The following RP1 variants were observed in gnomAD, a reference collection of about 807,000 sequenced individuals.
The protein encoded by RP1 is RP1 axonemal microtubule associated.
In RP1, 16 loss-of-function variants were observed where a neutral mutation model predicts 14.8. The observed-to-expected ratio is 1.08, with a 90% CI of 0.73 to 1.65. The LOEUF (loss-of-function observed/expected upper bound fraction) is 1.65. RP1 is among the 40% of genes most tolerant of loss of function. The pLI, the probability that RP1 is intolerant of heterozygous loss-of-function variation, is 0.00. For missense variants in RP1, 2,631 were observed against 2,535.0 expected, an observed-to-expected ratio of 1.04 and a Z score of -0.81; for synonymous variants, 876 against 883.6, an observed-to-expected ratio of 0.99 and a Z score of 0.15.
intron 12 of RP1, chr8:54,696,597 T>C (rs933101488): frequency 3.0e-5 from 22 of 739,046 alleles, no homozygotes; most frequent in African/African-American, 3.5e-5. Context: ...CGTGACAAAG[T>C]ACGTCTCAGA....
At chr8:54,824,687 G>A (rs1811340611) in intron 24 of RP1, among the ~76,000 whole-genome samples, 1 of 152,034 alleles carries the variant, frequency 6.6e-6, no homozygotes, top group Admixed American at 6.6e-5. Context: ...ATAGAATTCA[G>A]CATCCTACAA....
intron 1 of RP1, among the ~76,000 whole-genome samples, chr8:54,586,651 G>A (rs1005096329): frequency 5.3e-5 from 8 of 152,206 alleles, no homozygotes; most frequent in Non-Finnish European, 8.8e-5. Context: ...CCACCCAGTC[G>A]AGCTTCCTGG....
intron 17 of RP1, among the ~76,000 whole-genome samples, chr8:54,731,102 T>G (rs1354451966): frequency 6.6e-6 from 1 of 152,182 alleles, no homozygotes; most frequent in Non-Finnish European, 1.5e-5. Flanking sequence ...AATTCATGCT[T>G]TATGCTGACC....
chr8:54,829,882 G>C (rs1811478219), intron 24 of RP1, among the ~76,000 whole-genome samples: 1 of 151,916 alleles, frequency 6.6e-6, no homozygotes, highest in African/African-American at 2.4e-5. Flanking sequence ...CTGGGGAGGG[G>C]GAAAGGACAA....
downstream of RP1, among the ~76,000 whole-genome samples, chr8:54,632,072 C>T (rs1413053990): frequency 6.6e-6 from 1 of 151,918 alleles, no homozygotes; most frequent in Non-Finnish European, 1.5e-5. Context: ...GAACTTCCGA[C>T]CTCAGGTGAT....
At chr8:54,589,755 T>C (rs192271758) in intron 1 of RP1, among the ~76,000 whole-genome samples, 41 of 152,292 alleles carry the variant, frequency 2.7e-4, no homozygotes, top group Admixed American at 2.4e-3. Flanking sequence ...CAAATATGCA[T>C]CTTTTCTCAA....
intron 24 of RP1, among the ~76,000 whole-genome samples, chr8:54,803,082 G>A (rs1280940317): frequency 2.0e-5 from 3 of 151,682 alleles, no homozygotes; most frequent in African/African-American, 7.3e-5. Context: ...TACCCTTTTT[G>A]TGAGTATTTT....
intron 21 of RP1, among the ~76,000 whole-genome samples, chr8:54,756,326 G>A (rs1643146092): frequency 6.6e-6 from 1 of 152,188 alleles, no homozygotes; most frequent in Admixed American, 6.5e-5. Context: ...TGTATATGGA[G>A]AGAAGGTACT....
chr8:54,835,782 GGT>G (rs1326726407), intron 24 of RP1, among the ~76,000 whole-genome samples: 1 of 152,074 alleles, frequency 6.6e-6, no homozygotes, highest in Admixed American at 6.5e-5. Flanking sequence ...CAAAACCTGA[GGT>G]TCCATATTTC....
chr8:54,611,840 C>T (rs1805601357), upstream of RP1, among the ~76,000 whole-genome samples: 1 of 151,964 alleles, frequency 6.6e-6, no homozygotes, highest in African/African-American at 2.4e-5. Context: ...CCTCTCCCCT[C>T]CCCATGGTTT....
intron 4 of RP1, among the ~76,000 whole-genome samples, chr8:54,650,119 A>T (rs1806625511): frequency 6.6e-6 from 1 of 152,184 alleles, no homozygotes; most frequent in African/African-American, 2.4e-5. Context: ...ATAATTTTCA[A>T]TTCTGTAATA....
At chr8:54,854,342 T>G (rs924030472) in intron 26 of RP1, among the ~76,000 whole-genome samples, 1 of 152,098 alleles carries the variant, frequency 6.6e-6, no homozygotes, top group Admixed American at 6.5e-5. Context: ...CAGAAACATA[T>G]CCACACATCC....
chr8:54,644,927 T>G lies in RP1; in HGVS notation c.788-4058T>G, dbSNP rs553752688. Among the ~76,000 whole-genome samples, 9 of 152,272 alleles carry G rather than the reference T, an allele frequency of 5.9e-5. No individual in the cohort carries two copies. The East Asian group carries it at 1.7e-3, about 29-fold the overall frequency. On this transcript the variant is annotated intron_variant, in intron 3 of 22. Coordinates refer to the RP1 transcript ENST00000636932. The stretch of plus-strand genomic sequence containing the variant: ...TAGATGTATCATGCTAATCTCTGCC[T>G]CCATCTTCACATGACATTTTCCCTG...
exon 17 of RP1, chr8:54,726,357 A>G (rs1445807430): frequency 1.3e-6 from 2 of 1,519,294 alleles, no homozygotes. Context: ...GGCAGAGAAA[A>G]CCCAATGGGA....
At chr8:54,738,943 G>A (rs1435466505) in exon 19 of RP1, 1 of 1,466,434 alleles carries the variant, frequency 6.8e-7, no homozygotes, top group African/African-American at 1.4e-5. Context: ...TTTCATTCAG[G>A]TTGAAATAAG....
intron 1 of RP1, among the ~76,000 whole-genome samples, chr8:54,589,394 G>A (rs917736173): frequency 1.3e-5 from 2 of 151,962 alleles, no homozygotes; most frequent in Non-Finnish European, 2.9e-5. Context: ...CAGACTCTCA[G>A]ACTCTTGGAA....
At chr8:54,815,066 C>T (rs1318442018) in intron 24 of RP1, among the ~76,000 whole-genome samples, 1 of 152,192 alleles carries the variant, frequency 6.6e-6, no homozygotes, top group Non-Finnish European at 1.5e-5. Context: ...TTTTATAAGT[C>T]AAGTGGTTTA....
chr8:54,680,853 GAGGCTGAGGC>G (rs975284930), intron 12 of RP1, among the ~76,000 whole-genome samples: 2 of 151,940 alleles, frequency 1.3e-5, no homozygotes, highest in African/African-American at 4.8e-5. Flanking sequence ...AGCTACTGTA[GAGGCTGAGGC>G]AGGAGAATGG....
At chr8:54,831,190 G>T (rs1238585632) in intron 24 of RP1, among the ~76,000 whole-genome samples, 1 of 151,956 alleles carries the variant, frequency 6.6e-6, no homozygotes, top group Non-Finnish European at 1.5e-5. Context: ...TTGTCTGAAT[G>T]CCTGTTTTCA....
Sources: allele counts gnomAD v4.1 joint callset (sites outside exome capture counted in the v4.1 genomes callset), GRCh38; gene constraint gnomAD v4.1.1; transcripts MANE v1.5; gene names NCBI Gene and HGNC (gene_info 2026-07-23, HGNC 2026-07-21).